HTT: variants seen among roughly 807,000 people sequenced by gnomAD.
The protein encoded by HTT is huntingtin.
HTT carries 104 observed loss-of-function variants against 362.3 expected under a neutral mutation model. The observed-to-expected ratio is 0.29, with a 90% CI of 0.24 to 0.34. The LOEUF (loss-of-function observed/expected upper bound fraction) is 0.34, where lower values mean the gene tolerates loss of function less well. Among genes scored for constraint, HTT ranks in the 10% least tolerant of loss-of-function variants. The pLI is 1.00. For synonymous variants in HTT, 1,577 were observed against 1,548.7 expected (o/e 1.02, Z -0.43); for missense variants, 3,301 against 3,928.6 (o/e 0.84, Z 4.27).
At chr4:3,238,361 C>T in intron 64 of HTT, 86 bp from the exon 65 acceptor site, 1 of 973,130 alleles carries the variant, frequency 1.0e-6, no homozygotes. Flanking sequence ...GGCATTTTCC[C>T]CAGTATTAGA....
chr4:3,229,625 C>T (rs1013201690), intron 59 of HTT, among the ~76,000 whole-genome samples: 5 of 151,306 alleles, frequency 3.3e-5, no homozygotes, highest in Admixed American at 6.6e-5. Flanking sequence ...TTGCACACCA[C>T]GCACACACAC....
At chr4:3,112,991 G>A (rs1714840331) in intron 6 of HTT, 1 of 952,550 alleles carries the variant, frequency 1.0e-6, no homozygotes, top group South Asian at 4.9e-5. Context: ...ATTCCTTAAA[G>A]TACCCTTGGC....
intron 36 of HTT, 24 bp from the exon 37 acceptor site, chr4:3,182,330 T>A (rs1560583247): frequency 6.6e-7 from 1 of 1,511,076 alleles, no homozygotes; most frequent in East Asian, 2.3e-5. Flanking sequence ...GCAGCAGACT[T>A]TCTAATTGTG....
At position 3,124,590 on chromosome 4, in the gene HTT, T is replaced by G. The variant is rs144187737; in HGVS notation, c.1322-959T>G. 1.6e-3 allele frequency among the ~76,000 whole-genome samples: 244 copies of G among 152,336 alleles called. 2 individuals are homozygous for G. Among genetic ancestry groups the G allele is most frequent in the Admixed American group, 2.9e-3 (45 of 15,302 alleles). Reference sequence around the variant, plus strand: ...TGGGGACGGCTCTGTGGAACATATTTGCAAACCACTGATTTGGAAGATAGA... The same window carrying G: ...TGGGGACGGCTCTGTGGAACATATTGGCAAACCACTGATTTGGAAGATAGA... On this transcript the variant is annotated intron_variant, in intron 10 of 66. Transcript: ENST00000355072.
chr4:3,179,049 T>A (rs1238353744), intron 35 of HTT, among the ~76,000 whole-genome samples: 4 of 152,152 alleles, frequency 2.6e-5, no homozygotes, highest in Non-Finnish European at 5.9e-5. Context: ...TATTGACCCC[T>A]CCCTGACTCC....
chr4:3,078,039 T>A (rs1560536852), intron 1 of HTT, among the ~76,000 whole-genome samples: 1 of 152,116 alleles, frequency 6.6e-6, no homozygotes, highest in Non-Finnish European at 1.5e-5. Flanking sequence ...TGCATGGGCC[T>A]CAGTTTATGA....
At chr4:3,178,484 G>T in intron 35 of HTT, 38 bp downstream of exon 35, 3 of 1,600,886 alleles carry the variant, frequency 1.9e-6, no homozygotes, top group Admixed American at 1.7e-5. Context: ...CTTCGGTGTC[G>T]TGATGTGCTT....
Position 3,240,058 on chromosome 4 carries a change from G to C in HTT, c.9428G>C (p.Ter3143SerextTer8). 1 of 1,581,174 alleles carries C rather than the reference G, an allele frequency of 6.3e-7. No individual in the cohort carries two copies. Among genetic ancestry groups the C allele is most frequent in the South Asian group, 1.2e-5 (1 of 86,544 alleles). The change falls in exon 67 of 67, where the codon TGA becomes TCA. Residue 3143 changes from the stop codon to serine, a stop_lost. Transcript: ENST00000355072. Reference sequence around the variant, plus strand: ...AATGTCCACAAGGTCACCACCTGCTGAGCGCCATGGTGGGAGAGACTGTGA... The same window carrying C: ...AATGTCCACAAGGTCACCACCTGCTCAGCGCCATGGTGGGAGAGACTGTGA... ...LRNVHKVTTC[*>S]
chr4:3,203,880 G>C (rs956157698), intron 41 of HTT, 127 bp from the exon 42 acceptor site: 3 of 845,622 alleles, frequency 3.5e-6, no homozygotes, highest in Non-Finnish European at 5.7e-6. Context: ...ACAACATTCT[G>C]ATATGGCAAT....
At chr4:3,236,591 C>G (rs1165360578) in intron 64 of HTT, among the ~76,000 whole-genome samples, 1 of 152,132 alleles carries the variant, frequency 6.6e-6, no homozygotes, top group Non-Finnish European at 1.5e-5. Context: ...GAAGCCTGTA[C>G]AGTGAGGAGG....
At chr4:3,180,397 A>G in intron 35 of HTT, 118 bp from the exon 36 acceptor site, 1 of 856,228 alleles carries the variant, frequency 1.2e-6, no homozygotes, top group Non-Finnish European at 1.8e-6. Flanking sequence ...CTTACCATAA[A>G]CCAAGTATGT....
Position 3,172,883 on chromosome 4 carries a change from T to C in HTT, c.3943-25T>C, listed in dbSNP as rs76737615. 8.0e-4 allele frequency: 1,216 copies of C among 1,520,460 alleles called. 7 individuals carry two copies. The African/African-American group carries it at 0.015, about 18-fold the overall frequency. 94.2% of individuals were successfully genotyped at this position (1,520,460 alleles called of 1,614,324 possible). On this transcript the variant is annotated intron_variant, in intron 30 of 66. Transcript: ENST00000355072. ...AAAAGTGTTGTTCACGCCACATTGTTGATGCCTCATTTTTTTCACTGTAGT... is the reference window on the plus strand; with the variant it reads ...AAAAGTGTTGTTCACGCCACATTGTCGATGCCTCATTTTTTTCACTGTAGT...
At chr4:3,199,588 G>A in intron 40 of HTT, 144 bp from the exon 41 acceptor site, 1 of 647,012 alleles carries the variant, frequency 1.5e-6, no homozygotes, top group Non-Finnish European at 2.6e-6. Context: ...AGAAAAATCA[G>A]AATTTTCTAA....
chr4:3,213,855 G>A (rs943682608), intron 49 of HTT, 103 bp from the exon 50 acceptor site: 10 of 1,047,410 alleles, frequency 9.5e-6, no homozygotes, highest in South Asian at 2.1e-5. Context: ...ACCTGGACGC[G>A]CTGCCCCTCA....
At position 3,082,537 on chromosome 4, in the gene HTT, A is replaced by C. The variant is rs768836631; in HGVS notation, c.264-4402A>C. 2.0e-5 allele frequency among the ~76,000 whole-genome samples: 3 copies of C among 152,178 alleles called. No homozygotes were observed. In the East Asian group the frequency reaches 5.8e-4, roughly 29 times the overall value. ...TTGCTATCACAGTGAGGTCTCAGGG[A>C]CAGTCGTTTGGTATCATTTGGGATC... is the stretch of plus-strand genomic sequence containing the variant. On this transcript the variant is annotated intron_variant, in intron 1 of 66. Transcript: ENST00000355072.
intron 40 of HTT, among the ~76,000 whole-genome samples, chr4:3,190,038 CAA>C (rs1283291211): frequency 6.6e-6 from 1 of 151,568 alleles, no homozygotes; most frequent in Non-Finnish European, 1.5e-5. Context: ...CAAAACAAGA[CAA>C]GAGCCAAAAA....
At position 3,140,623 on chromosome 4, in the gene HTT, C is replaced by T. The variant is rs1311771757; in HGVS notation, c.2912C>T (p.Pro971Leu). The part of the protein sequence containing the change: ...YLKLLMHETQ[P>L]PSHFSVSTIT... The stretch of plus-strand genomic sequence containing the variant: ...AAACTTCTCATGCATGAGACGCAGC[C>T]TCCATCTCATTTCTCCGTCAGCACA... The change falls in exon 22 of 67, where the codon CCT becomes CTT. Residue 971 changes from proline (P) to leucine (L), a missense_variant. Physicochemically the swap from Pro to Leu is moderately conservative, Grantham distance 98. This residue lies in a region of HTT where 2,316 missense variants were observed against 2,658.5 expected (regional missense o/e 0.87). Coordinates refer to ENST00000355072, the MANE Select transcript of HTT (RefSeq NM_001388492.1). 3 of 1,614,008 alleles carry T rather than the reference C, an allele frequency of 1.9e-6. No homozygotes were observed. The Admixed American group carries it at 5.0e-5, about 27-fold the overall frequency.
intron 6 of HTT, among the ~76,000 whole-genome samples, 164 bp downstream of exon 6, chr4:3,107,587 G>T (rs1459442365): frequency 6.6e-6 from 1 of 152,144 alleles, no homozygotes; most frequent in Non-Finnish European, 1.5e-5. Flanking sequence ...GGCACCTAAG[G>T]ACTTCTTTCC....
At chr4:3,079,959 G>A (rs180911206) in intron 1 of HTT, among the ~76,000 whole-genome samples, 9 of 152,294 alleles carry the variant, frequency 5.9e-5, no homozygotes, top group African/African-American at 1.2e-4. Context: ...AGTAGCTTGC[G>A]TTATCAGGTT....
Sources: allele counts gnomAD v4.1 joint callset (sites outside exome capture counted in the v4.1 genomes callset), GRCh38; gene constraint gnomAD v4.1.1; regional missense constraint gnomAD v4.1.1; transcripts MANE v1.5; gene names NCBI Gene and HGNC (gene_info 2026-07-23, HGNC 2026-07-21).